The following TMEM178B variants were observed in gnomAD, a reference collection of about 807,000 sequenced individuals.
TMEM178B encodes transmembrane protein 178B.
In TMEM178B, 5 loss-of-function variants were observed where a neutral mutation model predicts 31.0. The ratio of observed to expected loss-of-function variants is 0.16; its 90% CI spans 0.08 to 0.34. The LOEUF is 0.34. TMEM178B is among the 10% of genes least tolerant of loss of function. The probability of loss-of-function intolerance (pLI) is 1.00; values close to 1 mark genes in which losing one functional copy is unlikely to be tolerated. For missense variants in TMEM178B, 275 were observed against 400.3 expected (o/e 0.69, Z 2.67); for synonymous variants, 164 against 164.0 (o/e 1.00, Z 0.00).
chr7:141,469,399 TCTTCCAGGAAGCTTC>T (rs1334599357), intron 3 of TMEM178B, among the ~76,000 whole-genome samples: 2 of 152,336 alleles, frequency 1.3e-5, no homozygotes, highest in Admixed American at 6.5e-5. Flanking sequence ...TTCTTCCTTG[TCTTCCAGGAAGCTTC>T]TGGAAAAAAT....
At chr7:141,221,893 G>T (rs1034375328) in intron 2 of TMEM178B, among the ~76,000 whole-genome samples, 8 of 152,232 alleles carry the variant, frequency 5.3e-5, no homozygotes, top group African/African-American at 1.7e-4. Flanking sequence ...ATTATCTGGG[G>T]ACTTGTTTGA....
chr7:141,510,685 C>CAA, the TMEM178B span, among the ~76,000 whole-genome samples: 483 of 24,956 alleles, frequency 0.019, 90 homozygotes, highest in African/African-American at 0.065. Context: ...AACTCCGTCT[C>CAA]AAAAAAAAAA....
In TMEM178B at chr7:141,203,864, T is replaced by C. The variant is rs575595400; in HGVS notation, c.383-8727T>C. Among the ~76,000 whole-genome samples, 3 of 152,282 alleles carry C rather than the reference T, an allele frequency of 2.0e-5. No homozygotes were observed. In the South Asian group the frequency reaches 6.2e-4, roughly 32 times the overall value. ...TGTTTTAAAAAAAGGAACTCTGGGATGGAGGAAACACACGGACTCTCAGAA... is the reference window on the plus strand; with the variant it reads ...TGTTTTAAAAAAAGGAACTCTGGGACGGAGGAAACACACGGACTCTCAGAA... On this transcript the variant is annotated intron_variant, in intron 1 of 3. Transcript: ENST00000565468.
At chr7:141,343,699 G>A (rs1477794460) in intron 2 of TMEM178B, among the ~76,000 whole-genome samples, 4 of 151,978 alleles carry the variant, frequency 2.6e-5, no homozygotes, top group South Asian at 2.1e-4. Flanking sequence ...ACAGGCGCCC[G>A]CCACCAAGCC....
At chr7:141,186,555 C>T (rs2129184489) in intron 1 of TMEM178B, among the ~76,000 whole-genome samples, 1 of 152,168 alleles carries the variant, frequency 6.6e-6, no homozygotes, top group South Asian at 2.1e-4. Flanking sequence ...TCCTTGACAC[C>T]AGCTTAATCT....
At chr7:141,207,405 T>G (rs547580981) in intron 1 of TMEM178B, among the ~76,000 whole-genome samples, 37 of 152,308 alleles carry the variant, frequency 2.4e-4, no homozygotes, top group Non-Finnish European at 4.0e-4. Flanking sequence ...TTCCCACCAA[T>G]AGCATGCAAG....
intron 3 of TMEM178B, among the ~76,000 whole-genome samples, chr7:141,449,433 C>T (rs1801821521): frequency 6.6e-6 from 1 of 151,978 alleles, no homozygotes; most frequent in South Asian, 2.1e-4. Context: ...ATAGCCTGAC[C>T]CAAGGAAGGG....
intron 2 of TMEM178B, among the ~76,000 whole-genome samples, chr7:141,436,765 C>T (rs1226111863): frequency 6.6e-6 from 1 of 152,090 alleles, no homozygotes; most frequent in Non-Finnish European, 1.5e-5. Flanking sequence ...CCAACTGAGC[C>T]ATGGCAACAG....
rs114523279 is a variant in TMEM178B, at chr7:141,238,162, G to C, written c.496+25458G>C. 1.9e-3 allele frequency among the ~76,000 whole-genome samples: 289 copies of C among 152,240 alleles called. 1 individual carries two copies. Among genetic ancestry groups the C allele is most frequent in the African/African-American group, 6.6e-3 (276 of 41,560 alleles). ...GGCTCATGCTCAGGAGCTGCGTTAA[G>C]AAATCCTGTTGCTGTCTCTAGGCTC... On this transcript the variant is annotated intron_variant, in intron 2 of 3. Transcript: ENST00000565468.
chr7:141,188,615 G>A lies in TMEM178B; in HGVS notation c.383-23976G>A, dbSNP rs1054893561. 6.6e-5 allele frequency among the ~76,000 whole-genome samples: 10 copies of A among 152,272 alleles called. No homozygotes were observed. In the South Asian group the frequency reaches 1.7e-3, roughly 25 times the overall value. ...CTGTATGTTCTACATCTGTATTCAG[G>A]CCTTGTGCTTCCCTAGGTGTTATGA... On this transcript the variant is annotated intron_variant, in intron 1 of 3. Transcript: ENST00000565468.
At chr7:141,091,806 A>G (rs987686553) in intron 1 of TMEM178B, among the ~76,000 whole-genome samples, 1 of 152,062 alleles carries the variant, frequency 6.6e-6, no homozygotes, top group African/African-American at 2.4e-5. Context: ...CGGCTCACTG[A>G]AACCTCTGCC....
intron 2 of TMEM178B, among the ~76,000 whole-genome samples, chr7:141,338,157 G>A (rs1015204809): frequency 6.6e-6 from 1 of 152,058 alleles, no homozygotes; most frequent in African/African-American, 2.4e-5. Context: ...TTTTTAAAGC[G>A]AAGTTATTTT....
intron 2 of TMEM178B, among the ~76,000 whole-genome samples, chr7:141,219,102 C>T (rs1797212260): frequency 6.6e-6 from 1 of 152,186 alleles, no homozygotes; most frequent in Non-Finnish European, 1.5e-5. Flanking sequence ...TAATGCTGCT[C>T]AGAGGATCAC....
chr7:141,396,441 C>T (rs1454376197), intron 2 of TMEM178B, among the ~76,000 whole-genome samples: 1 of 152,214 alleles, frequency 6.6e-6, no homozygotes, highest in African/African-American at 2.4e-5. Flanking sequence ...CCTGGTTCTG[C>T]GGCATTTGCC....
At chr7:141,143,849 C>T (rs534463836) in intron 1 of TMEM178B, among the ~76,000 whole-genome samples, 12 of 152,234 alleles carry the variant, frequency 7.9e-5, no homozygotes, top group Admixed American at 3.3e-4. Flanking sequence ...AGTTCATGGG[C>T]ATGTAATGTT....
At chr7:141,206,094 G>T (rs149322545) in intron 1 of TMEM178B, among the ~76,000 whole-genome samples, 1 of 152,282 alleles carries the variant, frequency 6.6e-6, no homozygotes, top group African/African-American at 2.4e-5. Context: ...GTAGTCTTAG[G>T]ACAGCAACTG....
chr7:141,212,449 T>C (rs1189638056), intron 1 of TMEM178B, 142 bp from the exon 2 acceptor site: 1 of 647,008 alleles, frequency 1.5e-6, no homozygotes, highest in East Asian at 2.7e-5. Context: ...CTTTTTGAGT[T>C]GAAGGTATTG....
intron 1 of TMEM178B, among the ~76,000 whole-genome samples, chr7:141,195,234 A>G (rs143884339): frequency 1.3e-5 from 2 of 152,296 alleles, no homozygotes; most frequent in Non-Finnish European, 2.9e-5. Context: ...TTTCTATCGC[A>G]TAGTTAGGCT....
At chr7:141,488,691 G>A in the TMEM178B span, among the ~76,000 whole-genome samples, 1 of 152,092 alleles carries the variant, frequency 6.6e-6, no homozygotes, top group Non-Finnish European at 1.5e-5. Flanking sequence ...GCCTGCCTCA[G>A]CCTCCCAAAG....
Sources: gnomAD v4.1 joint callset for allele counts (sites outside exome capture counted in the v4.1 genomes callset) on GRCh38, gnomAD v4.1.1 for gene constraint, MANE v1.5 for transcripts, NCBI Gene and HGNC (gene_info 2026-07-23, HGNC 2026-07-21) for gene names.